The following RC3H1 variants were observed in gnomAD, a reference collection of about 807,000 sequenced individuals.
RC3H1 encodes the protein roquin-1.
In RC3H1, 50 loss-of-function variants were observed where a neutral mutation model predicts 138.2. The observed-to-expected ratio is 0.36, with a 90% CI of 0.29 to 0.46. The LOEUF is 0.46. RC3H1 is among the 20% of genes least tolerant of loss of function. The pLI is 1.00. For missense variants in RC3H1, 1,031 were observed against 1,388.1 expected, an observed-to-expected ratio of 0.74 and a Z score of 4.09; for synonymous variants, 462 against 489.1, an observed-to-expected ratio of 0.94 and a Z score of 0.73.
At chr1:174,017,720 T>C (rs1333382677) in intron 1 of RC3H1, among the ~76,000 whole-genome samples, 1 of 130,736 alleles carries the variant, frequency 7.6e-6, no homozygotes, top group East Asian at 2.5e-4. Context: ...TGACTTAACC[T>C]CAATAAAAAA....
chr1:173,958,225 A>G (rs763233924), intron 13 of RC3H1, among the ~76,000 whole-genome samples: 1 of 152,182 alleles, frequency 6.6e-6, no homozygotes, highest in Non-Finnish European at 1.5e-5. Flanking sequence ...TACAATCAAC[A>G]AAACAAATAC....
intron 2 of RC3H1, among the ~76,000 whole-genome samples, chr1:173,987,071 T>C (rs920608710): frequency 3.9e-5 from 6 of 152,156 alleles, no homozygotes; most frequent in Admixed American, 3.9e-4. Context: ...TTTTATCACA[T>C]CATATCAAAG....
In RC3H1 at chr1:173,934,421, T is replaced by C. The variant is rs1482383802; in HGVS notation, c.*4300A>G. On this transcript the variant is annotated 3_prime_UTR_variant, in exon 20 of 20. Coordinates refer to ENST00000367696, the MANE Select transcript of RC3H1 (RefSeq NM_172071.4). ...CTTAGAGAAACTGATGAATTTTCATTACTTTTACATTTTATAAGGCTAGCT... is the reference window on the plus strand; with the variant it reads ...CTTAGAGAAACTGATGAATTTTCATCACTTTTACATTTTATAAGGCTAGCT... 1 of 152,202 alleles carries C rather than the reference T, an allele frequency of 6.6e-6. No homozygotes were observed. The highest frequency in any genetic ancestry group is 2.4e-5 in the African/African-American group (1 of 41,452). 9.4% of individuals were successfully genotyped at this position (152,202 alleles called of 1,614,324 possible).
At chr1:173,989,164 G>A (rs1661159198) in intron 2 of RC3H1, among the ~76,000 whole-genome samples, 1 of 152,186 alleles carries the variant, frequency 6.6e-6, no homozygotes, top group Non-Finnish European at 1.5e-5. Flanking sequence ...TCACAGATAG[G>A]TGGGAATACA....
intron 8 of RC3H1, 44 bp downstream of exon 8, chr1:173,972,465 A>C: frequency 7.4e-7 from 1 of 1,343,006 alleles, no homozygotes; most frequent in African/African-American, 1.4e-5. Flanking sequence ...GTTTTAAGGC[A>C]TATCCACAGT....
rs772710043 is a variant in RC3H1 at position 173,941,289 on chromosome 1, G to C, written c.3227C>G (p.Ala1076Gly). ...CCTGAATGTCAATGTAAGGTCCTCAGCCGGAACCTTGTTTTGTGGTTCTGG... is the reference window on the plus strand; with the variant it reads ...CCTGAATGTCAATGTAAGGTCCTCACCCGGAACCTTGTTTTGTGGTTCTGG... ...GQPEPQNKVP[A>G]EDLTLTFSDV... is the part of the protein sequence containing the mutation. The change falls in exon 19 of 20, where the codon GCT becomes GGT. Residue 1076 changes from alanine (A) to glycine (G), a missense_variant. Physicochemically the swap from Ala to Gly is moderately conservative, Grantham distance 60 (BLOSUM62 0). Around this residue, in one of 7 missense-constraint regions of RC3H1, gnomAD observed 716 missense variants for 837.9 expected, o/e 0.85. Coordinates refer to ENST00000367696, the MANE Select transcript of RC3H1 (RefSeq NM_172071.4). 5.0e-6 allele frequency: 8 copies of C among 1,612,730 alleles called. No individual in the cohort carries two copies. The African/African-American group carries it at 1.1e-4, about 22-fold the overall frequency.
chr1:173,940,479 A>C (rs1334624413), intron 19 of RC3H1, among the ~76,000 whole-genome samples: 1 of 152,198 alleles, frequency 6.6e-6, no homozygotes, highest in East Asian at 1.9e-4. Flanking sequence ...CTCAAAAAAA[A>C]AACTGGAAAG....
chr1:173,986,563 C>CT (rs931039637), intron 2 of RC3H1, among the ~76,000 whole-genome samples: 32 of 149,668 alleles, frequency 2.1e-4, no homozygotes, highest in East Asian at 5.9e-4. Flanking sequence ...GTCTCTCCCT[C>CT]TTTTTTTTTT....
intron 1 of RC3H1, among the ~76,000 whole-genome samples, chr1:174,013,999 A>T (rs976291609): frequency 1.3e-5 from 2 of 152,214 alleles, no homozygotes; most frequent in African/African-American, 4.8e-5. Flanking sequence ...CAACCACATG[A>T]CATTCTGGAA....
chr1:174,015,037 C>T (rs1358544209), intron 1 of RC3H1, among the ~76,000 whole-genome samples: 1 of 152,158 alleles, frequency 6.6e-6, no homozygotes, highest in Non-Finnish European at 1.5e-5. Flanking sequence ...TAAACAGCCT[C>T]AGGCTAATGT....
At chr1:173,970,078 A>G (rs1660291236) in intron 9 of RC3H1, among the ~76,000 whole-genome samples, 1 of 152,192 alleles carries the variant, frequency 6.6e-6, no homozygotes, top group Non-Finnish European at 1.5e-5. Context: ...AATGCTTGAG[A>G]CCAGAAGTGT....
chr1:173,939,193 A>C (rs1365776002), intron 19 of RC3H1, among the ~76,000 whole-genome samples: 11 of 152,170 alleles, frequency 7.2e-5, no homozygotes, highest in Non-Finnish European at 5.9e-5. Context: ...CGTATCTTAA[A>C]ATACTTACTA....
intron 10 of RC3H1, 77 bp downstream of exon 10, chr1:173,964,762 C>T: frequency 7.7e-7 from 1 of 1,295,742 alleles, no homozygotes; most frequent in South Asian, 1.5e-5. Flanking sequence ...TTTTTAAATC[C>T]CAAACATTAA....
intron 18 of RC3H1, among the ~76,000 whole-genome samples, chr1:173,941,673 C>T (rs577609478): frequency 4.6e-5 from 7 of 152,346 alleles, no homozygotes; most frequent in South Asian, 2.1e-4. Flanking sequence ...TGGCGGCTCA[C>T]GCCTGTAATA....
chr1:173,969,074 G>A (rs1272513396), intron 9 of RC3H1, among the ~76,000 whole-genome samples: 1 of 151,650 alleles, frequency 6.6e-6, no homozygotes, highest in Non-Finnish European at 1.5e-5. Context: ...GGCCAGGATG[G>A]TCTCAATCTC....
At chr1:173,948,905 CTGATT>C (rs1181905452) in intron 14 of RC3H1, among the ~76,000 whole-genome samples, 8 of 151,974 alleles carry the variant, frequency 5.3e-5, no homozygotes, top group Non-Finnish European at 1.0e-4. Context: ...TAATTCTTTA[CTGATT>C]TAAGAAAATG....
In RC3H1 at chr1:173,956,977, G is replaced by A. The variant is rs561768450; in HGVS notation, c.2370+4100C>T. Among the ~76,000 whole-genome samples the A allele has an allele frequency of 7.8e-4, 118 of 151,196 alleles. 1 individual carries two copies. Among genetic ancestry groups the A allele is most frequent in the Non-Finnish European group, 9.3e-4 (63 of 67,710 alleles). Reference sequence around the variant, plus strand: ...CATCCAGGCTGGAGTGCAGTGGTGCGATCTCGGCTCACTGCAACCTCCGCC... The same window carrying A: ...CATCCAGGCTGGAGTGCAGTGGTGCAATCTCGGCTCACTGCAACCTCCGCC... On this transcript the variant is annotated intron_variant, in intron 13 of 19. Transcript: ENST00000367696.
intron 7 of RC3H1, among the ~76,000 whole-genome samples, chr1:173,976,504 GA>G (rs1203012596): frequency 1.3e-5 from 2 of 151,760 alleles, no homozygotes; most frequent in Admixed American, 1.3e-4. Flanking sequence ...TAAGAACTGA[GA>G]ACTGACTTTT....
chr1:173,994,412 A>T (rs1284827355), intron 1 of RC3H1, among the ~76,000 whole-genome samples: 1 of 152,112 alleles, frequency 6.6e-6, no homozygotes, highest in Admixed American at 6.6e-5. Flanking sequence ...AACAAACAAA[A>T]CTTTTGACAA....
Sources: allele counts gnomAD v4.1 joint callset (sites outside exome capture counted in the v4.1 genomes callset), GRCh38; gene constraint gnomAD v4.1.1; regional missense constraint gnomAD v4.1.1; transcripts MANE v1.5; gene names NCBI Gene and HGNC (gene_info 2026-07-23, HGNC 2026-07-21).